EYA2: variants seen among roughly 807,000 people sequenced by gnomAD.
EYA2 encodes the protein EYA transcriptional coactivator and phosphatase 2.
A neutral mutation model predicts 69.2 loss-of-function variants in EYA2; 31 were observed. The observed-to-expected ratio is 0.45, with a 90% confidence interval of 0.34 to 0.60. The LOEUF (loss-of-function observed/expected upper bound fraction) is 0.60. Among genes scored for constraint, EYA2 ranks in the 20% least tolerant of loss-of-function variants. The pLI, the probability that EYA2 is intolerant of heterozygous loss-of-function variation, is 0.02. For missense variants in EYA2, 622 were observed against 701.2 expected, an observed-to-expected ratio of 0.89 and a Z score of 1.28; for synonymous variants, 257 against 279.4, an observed-to-expected ratio of 0.92 and a Z score of 0.80.
At chr20:46,906,256 G>A (rs989620072) in intron 1 of EYA2, among the ~76,000 whole-genome samples, 6 of 152,188 alleles carry the variant, frequency 3.9e-5, no homozygotes, top group African/African-American at 1.4e-4. Context: ...TCAGAAACAC[G>A]AATCTGATGA....
intron 5 of EYA2, among the ~76,000 whole-genome samples, chr20:47,022,043 G>A (rs1983782307): frequency 1.3e-5 from 2 of 152,196 alleles, no homozygotes. Context: ...TTAGTCAATA[G>A]TGCATGCCAC....
intron 5 of EYA2, among the ~76,000 whole-genome samples, chr20:47,059,212 C>T (rs1354664750): frequency 6.6e-6 from 1 of 152,178 alleles, no homozygotes; most frequent in Non-Finnish European, 1.5e-5. Context: ...CACATAGTTT[C>T]CCACGCTGGG....
chr20:47,054,505 G>A (rs376685581), intron 5 of EYA2, among the ~76,000 whole-genome samples: 88 of 152,168 alleles, frequency 5.8e-4, no homozygotes, highest in Non-Finnish European at 9.7e-4. Flanking sequence ...GAGCATGTGT[G>A]GGGGGCTGCT....
At chr20:47,065,874 T>G (rs1052715957) in intron 5 of EYA2, among the ~76,000 whole-genome samples, 1 of 152,230 alleles carries the variant, frequency 6.6e-6, no homozygotes, top group Non-Finnish European at 1.5e-5. Context: ...CTTCCTTATG[T>G]ATCTGTTCAT....
intron 10 of EYA2, chr20:47,161,199 G>C: frequency 2.2e-6 from 1 of 462,508 alleles, no homozygotes; most frequent in Non-Finnish European, 4.0e-6. Context: ...ACGGTGTGGG[G>C]CTTGCCGATC....
At chr20:46,954,109 C>G (rs1168094755) in intron 1 of EYA2, among the ~76,000 whole-genome samples, 1 of 152,212 alleles carries the variant, frequency 6.6e-6, no homozygotes, top group Non-Finnish European at 1.5e-5. Flanking sequence ...TTGCTCTTTC[C>G]TACCTCCTCT....
intron 5 of EYA2, among the ~76,000 whole-genome samples, chr20:47,061,084 C>T (rs1600678922): frequency 6.6e-6 from 1 of 151,998 alleles, no homozygotes; most frequent in African/African-American, 2.4e-5. Flanking sequence ...AAACTCCTGA[C>T]CTCAAGTGAT....
chr20:47,158,238 GGT>G (rs1401048298), intron 10 of EYA2, among the ~76,000 whole-genome samples: 1 of 151,944 alleles, frequency 6.6e-6, no homozygotes, highest in African/African-American at 2.4e-5. Context: ...AGACTGTCTG[GGT>G]GCAGTGGCTC....
At chr20:47,140,847 G>C (rs931254917) in intron 9 of EYA2, among the ~76,000 whole-genome samples, 1 of 152,210 alleles carries the variant, frequency 6.6e-6, no homozygotes, top group Non-Finnish European at 1.5e-5. Flanking sequence ...GCTGTACCTG[G>C]TGAGGGCCTC....
intron 9 of EYA2, among the ~76,000 whole-genome samples, chr20:47,114,247 AG>A (rs2032832085): frequency 1.3e-5 from 2 of 152,192 alleles, no homozygotes; most frequent in South Asian, 4.1e-4. Context: ...CCTCTGGAAA[AG>A]GTCTTTCACA....
intron 5 of EYA2, among the ~76,000 whole-genome samples, chr20:47,020,152 A>G (rs1983662955): frequency 5.8e-5 from 1 of 17,342 alleles, no homozygotes; most frequent in African/African-American, 1.1e-4. Context: ...GAAAAAATAT[A>G]TAATTTTTAG....
chr20:46,978,254 G>A (rs732251), intron 1 of EYA2: 12,963 of 236,498 alleles, frequency 0.055, 1,331 homozygotes, highest in African/African-American at 0.24. Flanking sequence ...GCCAAGCCAC[G>A]TGGACTGAGA....
intron 3 of EYA2, 44 bp downstream of exon 3, chr20:47,001,517 C>T (rs1340825840): frequency 9.4e-6 from 15 of 1,603,024 alleles, no homozygotes; most frequent in African/African-American, 1.3e-5. Flanking sequence ...CCCACCTTTT[C>T]TTCTTTCTTG....
At chr20:46,932,193 C>G (rs987309152) in intron 1 of EYA2, among the ~76,000 whole-genome samples, 1 of 151,984 alleles carries the variant, frequency 6.6e-6, no homozygotes, top group Non-Finnish European at 1.5e-5. Flanking sequence ...AATGATTGTG[C>G]ACCCCCCATC....
chr20:47,015,147 G>A (rs1263673396), intron 4 of EYA2, among the ~76,000 whole-genome samples: 4 of 152,210 alleles, frequency 2.6e-5, no homozygotes, highest in Admixed American at 1.3e-4. Flanking sequence ...GCTGGTAATC[G>A]TGGTTGCCTA....
At chr20:47,127,645 T>G (rs925372389) in intron 9 of EYA2, among the ~76,000 whole-genome samples, 4 of 152,212 alleles carry the variant, frequency 2.6e-5, no homozygotes, top group African/African-American at 9.6e-5. Context: ...GAGGGATGTG[T>G]TCAGAGATCT....
At chr20:47,170,780 G>A (rs1023000112) in intron 11 of EYA2, among the ~76,000 whole-genome samples, 1 of 152,170 alleles carries the variant, frequency 6.6e-6, no homozygotes, top group Non-Finnish European at 1.5e-5. Context: ...CAATTCAACG[G>A]CTTTAGGCTC....
chr20:47,071,317 AT>A (rs969311734), intron 5 of EYA2, among the ~76,000 whole-genome samples: 2 of 151,896 alleles, frequency 1.3e-5, no homozygotes, highest in Non-Finnish European at 2.9e-5. Context: ...CAATGTTTTA[AT>A]TTTTTTGTAG....
At chr20:47,163,698 CAA>C (rs11471495) in intron 10 of EYA2, among the ~76,000 whole-genome samples, 1,809 of 85,488 alleles carry the variant, frequency 0.021, 37 homozygotes, top group African/African-American at 0.068. Flanking sequence ...AACACTGTCT[CAA>C]AAAAAAAAAA....
Sources: gnomAD v4.1 joint callset for allele counts (sites outside exome capture counted in the v4.1 genomes callset) on GRCh38, gnomAD v4.1.1 for gene constraint, MANE v1.5 for transcripts, NCBI Gene and HGNC (gene_info 2026-07-23, HGNC 2026-07-21) for gene names.